Variants in TBC1D32 observed in about 807,000 individuals in gnomAD.
The protein encoded by TBC1D32 is TBC1 domain family member 32.
TBC1D32 carries 151 observed loss-of-function variants against 170.3 expected under a neutral mutation model. The observed-to-expected ratio is 0.89, with a 90% CI of 0.78 to 1.01. The LOEUF (loss-of-function observed/expected upper bound fraction) is 1.01, where lower values mean the gene tolerates loss of function less well. Among genes scored for constraint, TBC1D32 ranks in the 50% least tolerant of loss-of-function variants. The pLI is 0.00. For missense variants in TBC1D32, 1,464 were observed against 1,457.1 expected (o/e 1.00, Z -0.08); for synonymous variants, 498 against 488.0 (o/e 1.02, Z -0.27).
intron 20 of TBC1D32, among the ~76,000 whole-genome samples, chr6:121,235,203 T>C (rs1796187209): frequency 6.6e-6 from 1 of 152,116 alleles, no homozygotes; most frequent in Admixed American, 6.5e-5. Context: ...AGGTGGCACT[T>C]TCAAGAGGGC....
intron 15 of TBC1D32, among the ~76,000 whole-genome samples, chr6:121,269,313 C>G (rs1013820327): frequency 1.3e-5 from 2 of 152,086 alleles, no homozygotes; most frequent in African/African-American, 4.8e-5. Context: ...AAGACATAGA[C>G]TGGCAAATTG....
chr6:121,253,027 C>T (rs1314276628), intron 17 of TBC1D32, among the ~76,000 whole-genome samples: 2 of 152,050 alleles, frequency 1.3e-5, no homozygotes, highest in Non-Finnish European at 2.9e-5. Flanking sequence ...TGGAAAAACT[C>T]TTCTGGGCAT....
In TBC1D32 at chr6:121,239,177, C is replaced by G; in HGVS notation, c.2257G>C (p.Glu753Gln). ...TTGGACCATAATTCAGTTATAAGTT[C>G]ATTAATAAACCCTAAAAAGAATTAT... ...IALKKSGFIN[E>Q]LITELWSNLE... The change falls in exon 20 of 32, where the codon GAA becomes CAA. Residue 753 changes from glutamate (E) to glutamine (Q), a missense_variant. By Grantham distance (29) the Glu-to-Gln change is conservative. Around this residue, in one of 3 missense-constraint regions of TBC1D32, gnomAD observed 1,363 missense variants for 1,338.1 expected, o/e 1.02. Coordinates refer to ENST00000398212, the MANE Select transcript of TBC1D32 (RefSeq NM_152730.6). The G allele has an allele frequency of 6.4e-7, 1 of 1,564,036 alleles. No individual in the cohort carries two copies. The highest frequency in any genetic ancestry group is 1.1e-5 in the South Asian group (1 of 87,162).
At chr6:121,204,998 T>C (rs1792049279) in intron 22 of TBC1D32, 77 bp downstream of exon 22, 1 of 789,348 alleles carries the variant, frequency 1.3e-6, no homozygotes, top group Non-Finnish European at 2.0e-6. Context: ...TAAATACTTT[T>C]TTAAAGTATA....
chr6:121,281,502 C>T, intron 14 of TBC1D32, 42 bp downstream of exon 14: 2 of 1,526,034 alleles, frequency 1.3e-6, no homozygotes, highest in Admixed American at 1.9e-5. Flanking sequence ...CCACTAATAC[C>T]CAGGTAAGAG....
At chr6:121,111,197 A>C (rs1477944976) in intron 29 of TBC1D32, among the ~76,000 whole-genome samples, 1 of 152,218 alleles carries the variant, frequency 6.6e-6, no homozygotes, top group Non-Finnish European at 1.5e-5. Flanking sequence ...TCAGAACACA[A>C]GATCATTGAT....
At chr6:121,217,924 A>T (rs1794030889) in intron 21 of TBC1D32, among the ~76,000 whole-genome samples, 3 of 152,228 alleles carry the variant, frequency 2.0e-5, no homozygotes, top group Admixed American at 1.3e-4. Flanking sequence ...TTTCTGGTTC[A>T]TTAAATTGTG....
At chr6:121,189,792 A>C (rs1789701232) in intron 22 of TBC1D32, among the ~76,000 whole-genome samples, 1 of 152,026 alleles carries the variant, frequency 6.6e-6, no homozygotes, top group African/African-American at 2.4e-5. Context: ...TACTAACCAT[A>C]CTGTGAGCCC....
At chr6:121,243,287 A>G (rs545482893) in intron 17 of TBC1D32, among the ~76,000 whole-genome samples, 1 of 152,290 alleles carries the variant, frequency 6.6e-6, no homozygotes, top group Non-Finnish European at 1.5e-5. Context: ...AAAATTTGCT[A>G]CTCAGAACAG....
intron 21 of TBC1D32, among the ~76,000 whole-genome samples, chr6:121,209,342 T>C (rs1171983264): frequency 6.6e-6 from 1 of 152,172 alleles, no homozygotes; most frequent in South Asian, 2.1e-4. Context: ...ACATTTAGCA[T>C]GAGATCTGCC....
chr6:121,244,479 T>C (rs1040058076), intron 17 of TBC1D32, among the ~76,000 whole-genome samples: 3 of 152,062 alleles, frequency 2.0e-5, no homozygotes, highest in Admixed American at 2.0e-4. Context: ...ACTCCTTAGG[T>C]GGGACCTGCT....
chr6:121,210,293 T>C (rs1190837422), intron 21 of TBC1D32, among the ~76,000 whole-genome samples: 2 of 152,258 alleles, frequency 1.3e-5, no homozygotes, highest in East Asian at 1.9e-4. Context: ...TAGAAAAGGA[T>C]GTTCTGTTCA....
intron 25 of TBC1D32, among the ~76,000 whole-genome samples, chr6:121,129,586 T>A (rs1428256671): frequency 6.6e-6 from 1 of 152,216 alleles, no homozygotes; most frequent in African/African-American, 2.4e-5. Context: ...TAGCTCTTTA[T>A]TTTGCTTATT....
At chr6:121,296,039 G>A (rs1805580387) in intron 10 of TBC1D32, among the ~76,000 whole-genome samples, 1 of 152,100 alleles carries the variant, frequency 6.6e-6, no homozygotes, top group African/African-American at 2.4e-5. Context: ...GGGTTTCTAT[G>A]TGAACAGCAC....
intron 22 of TBC1D32, among the ~76,000 whole-genome samples, chr6:121,161,378 G>A (rs944099181): frequency 9.2e-5 from 14 of 152,062 alleles, no homozygotes; most frequent in African/African-American, 3.4e-4. Context: ...ACAGGCCCCA[G>A]TGTGTGTTGT....
At chr6:121,154,039 C>CCAA (rs545672348) in intron 24 of TBC1D32, among the ~76,000 whole-genome samples, 1 of 129,720 alleles carries the variant, frequency 7.7e-6, no homozygotes, top group Non-Finnish European at 1.6e-5. Flanking sequence ...CACTAGGGTA[C>CCAA]AAAAAAAAAA....
intron 21 of TBC1D32, among the ~76,000 whole-genome samples, chr6:121,216,513 G>T (rs7450022): frequency 0.68 from 104,036 of 152,030 alleles, 40,770 homozygotes; most frequent in Non-Finnish European, 0.87. Flanking sequence ...TGGTTTTGGG[G>T]TTTCTGGAGG....
At position 121,292,127 on chromosome 6, in the gene TBC1D32, A is replaced by C; in HGVS notation, c.1298T>G (p.Leu433Arg). The change falls in exon 12 of 32, where the codon CTG (leucine) becomes CGG (arginine). Residue 433 changes from leucine to arginine, a missense_variant. Physicochemically the swap from Leu to Arg is moderately radical, Grantham distance 102. Transcript: ENST00000398212. ...GATCAATAATCTTCCTAAAAGGCACAGTGAGTGAATGAAATAAATATATTG... is the reference window on the plus strand; with the variant it reads ...GATCAATAATCTTCCTAAAAGGCACCGTGAGTGAATGAAATAAATATATTG... The part of the protein sequence containing the change: ...ELQYIYFIHS[L>R]CLLGRLLIYK... The C allele has an allele frequency of 6.2e-7, 1 of 1,605,582 alleles. No homozygotes were observed. The highest frequency in any genetic ancestry group is 8.5e-7 in the Non-Finnish European group (1 of 1,175,390).
intron 24 of TBC1D32, among the ~76,000 whole-genome samples, chr6:121,147,295 T>C (rs1424819532): frequency 2.6e-5 from 4 of 152,210 alleles, no homozygotes; most frequent in African/African-American, 9.6e-5. Context: ...TGCATGTGTG[T>C]TTTTGATAGA....
Sources: gnomAD v4.1 joint callset for allele counts (sites outside exome capture counted in the v4.1 genomes callset) on GRCh38, gnomAD v4.1.1 for gene constraint, gnomAD v4.1.1 regional missense constraint, MANE v1.5 for transcripts, NCBI Gene and HGNC (gene_info 2026-07-23, HGNC 2026-07-21) for gene names.